Variants in GUCY1A2 observed in about 807,000 individuals in gnomAD.
GUCY1A2 encodes guanylate cyclase soluble subunit alpha-2.
GUCY1A2 carries 27 observed loss-of-function variants against 63.5 expected under a neutral mutation model. The observed-to-expected ratio is 0.43, with a 90% confidence interval of 0.31 to 0.59. The LOEUF is 0.59. Ranked by LOEUF, GUCY1A2 falls within the 20% of genes least tolerant of loss-of-function variation. GUCY1A2 has a pLI of 0.11. For synonymous variants in GUCY1A2, 364 were observed against 343.5 expected, an observed-to-expected ratio of 1.06 and a Z score of -0.66; for missense variants, 768 against 913.3, an observed-to-expected ratio of 0.84 and a Z score of 2.05.
At chr11:106,734,854 A>G (rs1314572648) in intron 6 of GUCY1A2, among the ~76,000 whole-genome samples, 2 of 152,136 alleles carry the variant, frequency 1.3e-5, no homozygotes, top group Admixed American at 1.3e-4. Context: ...TGCAATCACT[A>G]GGACCCATGG....
intron 4 of GUCY1A2, among the ~76,000 whole-genome samples, chr11:106,888,839 A>C (rs1423285168): frequency 6.6e-6 from 1 of 152,164 alleles, no homozygotes; most frequent in Admixed American, 6.5e-5. Context: ...ACTTTGGCCC[A>C]TTCTCTACCT....
intron 3 of GUCY1A2, among the ~76,000 whole-genome samples, chr11:106,960,991 C>T (rs1861051303): frequency 6.6e-6 from 1 of 152,038 alleles, no homozygotes; most frequent in Non-Finnish European, 1.5e-5. Flanking sequence ...AGGAAGGATG[C>T]TAAGTGGAAC....
At chr11:106,836,668 T>C (rs1211904846) in intron 4 of GUCY1A2, among the ~76,000 whole-genome samples, 1 of 151,954 alleles carries the variant, frequency 6.6e-6, no homozygotes, top group African/African-American at 2.4e-5. Flanking sequence ...CTTTTTACTG[T>C]AATACGCAAT....
At chr11:106,772,171 A>T (rs979564724) in intron 6 of GUCY1A2, among the ~76,000 whole-genome samples, 2 of 152,362 alleles carry the variant, frequency 1.3e-5, no homozygotes, top group Non-Finnish European at 2.9e-5. Context: ...ATTGTATATG[A>T]CAATTTTGGC....
At chr11:106,723,471 C>T (rs1863352741) in intron 6 of GUCY1A2, among the ~76,000 whole-genome samples, 1 of 152,190 alleles carries the variant, frequency 6.6e-6, no homozygotes, top group Admixed American at 6.5e-5. Context: ...ACATTTTTCT[C>T]ACTGTAATAT....
intron 4 of GUCY1A2, among the ~76,000 whole-genome samples, chr11:106,929,226 C>A (rs1444724182): frequency 6.6e-6 from 1 of 152,148 alleles, no homozygotes; most frequent in African/African-American, 2.4e-5. Context: ...ATAAAGCACT[C>A]TTACAAGTAT....
At chr11:106,794,955 G>A (rs893483971) in intron 5 of GUCY1A2, among the ~76,000 whole-genome samples, 2 of 152,064 alleles carry the variant, frequency 1.3e-5, no homozygotes, top group Admixed American at 6.6e-5. Context: ...ACTCCAGATG[G>A]AGTCAATTGC....
Position 106,680,619 on chromosome 11 carries a change from A to C in GUCY1A2, c.*6930T>G. The C allele has an allele frequency of 5.1e-6, 1 of 197,774 alleles. No homozygotes were observed. Among genetic ancestry groups the C allele is most frequent in the Non-Finnish European group, 1.0e-5 (1 of 95,506 alleles). The allele number at this position is 197,774 out of a possible 1,614,324, so 12.3% of individuals were successfully genotyped here. The stretch of plus-strand genomic sequence containing the variant: ...TCCATTATTTATTTAACCCAAAACC[A>C]TTCTTACTAAGGATTTAAGGATCCA... On this transcript the variant is annotated 3_prime_UTR_variant, in exon 8 of 8. Coordinates refer to ENST00000526355, the MANE Select transcript of GUCY1A2 (RefSeq NM_000855.3).
At chr11:106,783,744 G>A (rs1277135251) in intron 5 of GUCY1A2, among the ~76,000 whole-genome samples, 1 of 152,206 alleles carries the variant, frequency 6.6e-6, no homozygotes, top group Non-Finnish European at 1.5e-5. Context: ...TTTTGAACAT[G>A]TAGCATGTCG....
intron 1 of GUCY1A2, among the ~76,000 whole-genome samples, chr11:107,006,569 A>G (rs796373291): frequency 3.9e-5 from 6 of 152,334 alleles, no homozygotes; most frequent in African/African-American, 1.4e-4. Context: ...AAATCTACTC[A>G]CAATATCTTT....
intron 6 of GUCY1A2, among the ~76,000 whole-genome samples, chr11:106,715,220 C>A (rs1022031267): frequency 6.6e-6 from 1 of 152,154 alleles, no homozygotes; most frequent in Non-Finnish European, 1.5e-5. Flanking sequence ...ATTCCTCCTG[C>A]AATTTTTAAA....
intron 5 of GUCY1A2, among the ~76,000 whole-genome samples, chr11:106,796,434 G>T (rs1213044397): frequency 6.6e-6 from 1 of 152,184 alleles, no homozygotes; most frequent in African/African-American, 2.4e-5. Flanking sequence ...TGTTTTTGCA[G>T]TGGCTGGTAA....
intron 4 of GUCY1A2, among the ~76,000 whole-genome samples, chr11:106,815,997 A>G (rs1329420952): frequency 1.3e-5 from 2 of 152,016 alleles, no homozygotes; most frequent in Non-Finnish European, 2.9e-5. Context: ...ACTATGAAAG[A>G]ATAAATTTAT....
At position 106,677,116 on chromosome 11, in the gene GUCY1A2, T is replaced by G; in HGVS notation, c.*10433A>C. On this transcript the variant is annotated 3_prime_UTR_variant, in exon 8 of 8. Coordinates refer to ENST00000526355, the MANE Select transcript of GUCY1A2 (RefSeq NM_000855.3). ...TGAAAAAGGGAGGCTCCAGCCCAAATAGTAAAGTACTATTGTCATTTATCT... is the reference window on the plus strand; with the variant it reads ...TGAAAAAGGGAGGCTCCAGCCCAAAGAGTAAAGTACTATTGTCATTTATCT... 4.6e-6 allele frequency: 1 copy of G among 215,166 alleles called. No homozygotes were observed. The highest frequency in any genetic ancestry group is 9.4e-6 in the Non-Finnish European group (1 of 106,592). 13.3% of individuals were successfully genotyped at this position (215,166 alleles called of 1,614,324 possible).
intron 4 of GUCY1A2, among the ~76,000 whole-genome samples, chr11:106,877,270 G>A (rs1047916919): frequency 2.6e-5 from 4 of 151,854 alleles, no homozygotes; most frequent in East Asian, 1.9e-4. Context: ...CTGCAAACAG[G>A]GATAGTTTCA....
At chr11:106,774,774 C>A (rs1485783254) in intron 6 of GUCY1A2, among the ~76,000 whole-genome samples, 1 of 152,042 alleles carries the variant, frequency 6.6e-6, no homozygotes, top group East Asian at 1.9e-4. Flanking sequence ...TTGATAATTT[C>A]TTCAGTTCTT....
chr11:106,727,393 T>A (rs867120570), intron 6 of GUCY1A2, among the ~76,000 whole-genome samples: 2 of 152,198 alleles, frequency 1.3e-5, no homozygotes, highest in African/African-American at 4.8e-5. Context: ...GCTCACTGAA[T>A]CTGTCAAACA....
intron 4 of GUCY1A2, among the ~76,000 whole-genome samples, chr11:106,837,385 A>T (rs187296227): frequency 6.6e-6 from 1 of 152,082 alleles, no homozygotes; most frequent in East Asian, 1.9e-4. Context: ...TTCTTTATCC[A>T]ATCTGTCATT....
intron 3 of GUCY1A2, among the ~76,000 whole-genome samples, chr11:106,961,308 A>G (rs560987276): frequency 1.3e-5 from 2 of 152,148 alleles, no homozygotes; most frequent in African/African-American, 4.8e-5. Flanking sequence ...AAGCAGGAAG[A>G]AAACAGCACC....
Sources: gnomAD v4.1 joint callset for allele counts (sites outside exome capture counted in the v4.1 genomes callset) on GRCh38, gnomAD v4.1.1 for gene constraint, MANE v1.5 for transcripts, NCBI Gene and HGNC (gene_info 2026-07-23, HGNC 2026-07-21) for gene names.